Variants in RSPH4A observed in about 807,000 individuals in gnomAD.
RSPH4A encodes the protein radial spoke head component 4A, also known as radial spoke head protein 4 homolog A.
A neutral mutation model predicts 71.0 loss-of-function variants in RSPH4A; 47 were observed. The observed-to-expected ratio is 0.66, with a 90% CI of 0.52 to 0.84. The LOEUF is 0.84. RSPH4A is among the 40% of genes least tolerant of loss of function. The probability of loss-of-function intolerance (pLI) is 0.00; values close to 1 mark genes in which losing one functional copy is unlikely to be tolerated. For missense variants in RSPH4A, 793 were observed against 855.2 expected (o/e 0.93, Z 0.91); for synonymous variants, 282 against 302.3 (o/e 0.93, Z 0.70).
Position 116,616,822 on chromosome 6 carries a change from G to A in RSPH4A, c.199G>A (p.Ala67Thr). The A allele has an allele frequency of 1.2e-6, 2 of 1,614,110 alleles. No homozygotes were observed. The highest frequency in any genetic ancestry group is 1.7e-6 in the Non-Finnish European group (2 of 1,179,988). Residue 67 changes from alanine (A) to threonine (T), a missense_variant, in exon 1 of 6, where the codon GCC (alanine) becomes ACC (threonine). Physicochemically the swap from Ala to Thr is moderately conservative, Grantham distance 58. Coordinates refer to ENST00000229554, the MANE Select transcript of RSPH4A (RefSeq NM_001010892.3). ...CCGTCCTTGGAGCCCGCAGTCTAGA[G>A]CCAAGACGCCTCTGGGTGGCCCCGC... ...SSRPWSPQSR[A>T]KTPLGGPAGP...
chr6:116,629,622 A>G lies in RSPH4A; in HGVS notation c.1718A>G (p.Glu573Gly). 1 of 1,612,820 alleles carries G rather than the reference A, an allele frequency of 6.2e-7. No homozygotes were observed. ...AAAAATGAGGAAGAAGAAGAGGAAG[A>G]AGATGAAGAAAAAGACGATTCTGAC... ...IQKNEEEEEEEDEEKDDSDYI... is the reference protein window; with the variant it reads ...IQKNEEEEEEGDEEKDDSDYI... Residue 573 changes from glutamate (E) to glycine (G), a missense_variant, in exon 4 of 6, where the codon GAA becomes GGA. Transcript: ENST00000229554.
chr6:116,628,155 A>C lies in RSPH4A; in HGVS notation c.1448A>C (p.Tyr483Ser). 1.2e-6 allele frequency: 2 copies of C among 1,614,166 alleles called. No individual in the cohort carries two copies. The highest frequency in any genetic ancestry group is 1.7e-6 in the Non-Finnish European group (2 of 1,180,026). ...CCTTTCCCAGGAAATGAGAGTAATT[A>C]TTTACGAGCACAAATTGCCCGAATT... ...YPPFPGNESN[Y>S]LRAQIARISA... Residue 483 changes from tyrosine to serine, a missense_variant, in exon 3 of 6, where the codon TAT (tyrosine) becomes TCT (serine). Tyr to Ser is a moderately radical substitution (Grantham distance 144). Transcript: ENST00000229554.
rs756138242 is a variant in RSPH4A, at chr6:116,617,315, T to C, written c.686+6T>C. ...AGCAATTCGGGCTTTAATCTGTAAGTCTCAGAGGGAAAAAAGATAAATGTT... is the reference window on the plus strand; with the variant it reads ...AGCAATTCGGGCTTTAATCTGTAAGCCTCAGAGGGAAAAAAGATAAATGTT... On this transcript the variant is annotated splice_donor_region_variant and intron_variant, in intron 1 of 5. Coordinates refer to ENST00000229554, the MANE Select transcript of RSPH4A (RefSeq NM_001010892.3). The C allele has an allele frequency of 1.2e-6, 2 of 1,603,482 alleles. No homozygotes were observed. The highest frequency in any genetic ancestry group is 1.7e-6 in the Non-Finnish European group (2 of 1,173,522).
chr6:116,629,781 A>G, intron 4 of RSPH4A, 79 bp downstream of exon 4: 2 of 1,362,458 alleles, frequency 1.5e-6, no homozygotes, highest in Non-Finnish European at 2.1e-6. Context: ...TAAATATGAG[A>G]GTCGGAAAGC....
intron 2 of RSPH4A, among the ~76,000 whole-genome samples, chr6:116,626,268 G>C (rs1001593884): frequency 2.6e-5 from 4 of 152,198 alleles, no homozygotes; most frequent in African/African-American, 9.6e-5. Flanking sequence ...TTTTCATCTT[G>C]AGGGTCAAGG....
chr6:116,617,314 G>A lies in RSPH4A; in HGVS notation c.686+5G>A. On this transcript the variant is annotated splice_donor_5th_base_variant and intron_variant, in intron 1 of 5. Transcript: ENST00000229554. Reference sequence around the variant, plus strand: ...CAGCAATTCGGGCTTTAATCTGTAAGTCTCAGAGGGAAAAAAGATAAATGT... The same window carrying A: ...CAGCAATTCGGGCTTTAATCTGTAAATCTCAGAGGGAAAAAAGATAAATGT... 1 of 1,604,196 alleles carries A rather than the reference G, an allele frequency of 6.2e-7. No individual in the cohort carries two copies. Among genetic ancestry groups the A allele is most frequent in the South Asian group, 1.1e-5 (1 of 90,232 alleles).
At position 116,629,619 on chromosome 6, in the gene RSPH4A, A is replaced by G; in HGVS notation, c.1715A>G (p.Glu572Gly). The change falls in exon 4 of 6, where the codon GAA becomes GGA. Residue 572 changes from glutamate (E) to glycine (G), a missense_variant. Transcript: ENST00000229554. Reference protein sequence around the residue: ...SIQKNEEEEEEEDEEKDDSDY... With the variant: ...SIQKNEEEEEGEDEEKDDSDY... ...CAAAAAAATGAGGAAGAAGAAGAGGAAGAAGATGAAGAAAAAGACGATTCT... is the reference window on the plus strand; with the variant it reads ...CAAAAAAATGAGGAAGAAGAAGAGGGAGAAGATGAAGAAAAAGACGATTCT... The G allele has an allele frequency of 6.2e-7, 1 of 1,612,412 alleles. No individual in the cohort carries two copies. Among genetic ancestry groups the G allele is most frequent in the Non-Finnish European group, 8.5e-7 (1 of 1,178,580 alleles).
chr6:116,619,423 T>C (rs188796021), intron 1 of RSPH4A, among the ~76,000 whole-genome samples: 9 of 152,314 alleles, frequency 5.9e-5, no homozygotes, highest in South Asian at 2.1e-4. Flanking sequence ...CTAAGGCCTA[T>C]CTTGGGGATA....
intron 2 of RSPH4A, among the ~76,000 whole-genome samples, chr6:116,623,493 G>A (rs906431068): frequency 2.0e-5 from 3 of 151,754 alleles, no homozygotes; most frequent in Non-Finnish European, 4.4e-5. Context: ...GGGATTTCTT[G>A]TTTTTTTCAT....
At chr6:116,632,176 C>CT (rs761067029) in intron 5 of RSPH4A, 31 bp from the exon 6 acceptor site, 2 of 1,508,084 alleles carry the variant, frequency 1.3e-6, no homozygotes, top group African/African-American at 1.4e-5. Context: ...ATATAATGAT[C>CT]TTTTTTTCTT....
intron 2 of RSPH4A, among the ~76,000 whole-genome samples, chr6:116,625,215 C>T (rs1400128794): frequency 1.3e-5 from 2 of 152,164 alleles, no homozygotes; most frequent in African/African-American, 4.8e-5. Flanking sequence ...ACTAACTCTG[C>T]TATTGGTCAT....
chr6:116,617,749 G>A (rs1775536237), intron 1 of RSPH4A, among the ~76,000 whole-genome samples: 1 of 151,998 alleles, frequency 6.6e-6, no homozygotes, highest in Non-Finnish European at 1.5e-5. Context: ...GGCAGTGCTA[G>A]GGTGACCACC....
rs530372856 is a variant in RSPH4A, at chr6:116,629,130, C to T, written c.1663-437C>T. 1.2e-4 allele frequency among the ~76,000 whole-genome samples: 18 copies of T among 152,282 alleles called. 1 individual carries two copies. In the East Asian group the frequency reaches 3.5e-3, roughly 29 times the overall value. ...TGATCTAGATAAGAGATACTCTTAG[C>T]TTTCTCTACATAAGAGCTAACTGAG... On this transcript the variant is annotated intron_variant, in intron 3 of 5. Transcript: ENST00000229554.
At chr6:116,619,328 G>A (rs1775562643) in intron 1 of RSPH4A, among the ~76,000 whole-genome samples, 1 of 152,052 alleles carries the variant, frequency 6.6e-6, no homozygotes, top group Admixed American at 6.6e-5. Context: ...TTTGAAATGG[G>A]GGTCTTATGA....
At chr6:116,622,471 C>T (rs1775625933) in intron 1 of RSPH4A, among the ~76,000 whole-genome samples, 1 of 151,998 alleles carries the variant, frequency 6.6e-6, no homozygotes, top group South Asian at 2.1e-4. Flanking sequence ...GAATCATTTC[C>T]TAAGGAAAAC....
In RSPH4A at chr6:116,627,981, G is replaced by A. The variant is rs371882096; in HGVS notation, c.1274G>A (p.Gly425Asp). 1.6e-4 allele frequency: 257 copies of A among 1,614,048 alleles called. No individual in the cohort carries two copies. The highest frequency in any genetic ancestry group is 2.0e-4 in the Non-Finnish European group (234 of 1,180,036). ...QAIPKEESRT[G>D]ANKYVYFVCN... Reference sequence around the variant, plus strand: ...ATACCAAAAGAAGAAAGTAGAACAGGTGCCAACAAATATGTCTATTTTGTT... The same window carrying A: ...ATACCAAAAGAAGAAAGTAGAACAGATGCCAACAAATATGTCTATTTTGTT... Residue 425 changes from glycine (G) to aspartate (D), a missense_variant, in exon 3 of 6, where the codon GGT becomes GAT. Physicochemically the swap from Gly to Asp is moderately conservative, Grantham distance 94. Transcript: ENST00000229554.
chr6:116,622,487 G>T (rs1456083084), intron 1 of RSPH4A, among the ~76,000 whole-genome samples: 1 of 152,074 alleles, frequency 6.6e-6, no homozygotes, highest in African/African-American at 2.4e-5. Flanking sequence ...AAAACTCTAG[G>T]ATAAGTTATT....
intron 1 of RSPH4A, among the ~76,000 whole-genome samples, chr6:116,617,510 AC>A (rs1775531555): frequency 7.1e-6 from 1 of 141,446 alleles, no homozygotes; most frequent in South Asian, 2.2e-4. Context: ...CTTTTTCTTA[AC>A]CTTTTTTTTT....
At chr6:116,623,358 T>G (rs1306631687) in intron 2 of RSPH4A, among the ~76,000 whole-genome samples, 1 of 152,176 alleles carries the variant, frequency 6.6e-6, no homozygotes, top group Non-Finnish European at 1.5e-5. Context: ...AATGTTGGGA[T>G]TACAGGCGTG....
Sources: gnomAD v4.1 joint callset for allele counts (sites outside exome capture counted in the v4.1 genomes callset) on GRCh38, gnomAD v4.1.1 for gene constraint, MANE v1.5 for transcripts, NCBI Gene and HGNC (gene_info 2026-07-23, HGNC 2026-07-21) for gene names.